CLEC19A: variants seen among roughly 807,000 people sequenced by gnomAD.
CLEC19A encodes the protein C-type lectin domain containing 19A.
A neutral mutation model predicts 26.1 loss-of-function variants in CLEC19A; 21 were observed. The ratio of observed to expected loss-of-function variants is 0.80; its 90% CI spans 0.57 to 1.16. The LOEUF (loss-of-function observed/expected upper bound fraction) is 1.16, where lower values mean the gene tolerates loss of function less well. Among genes scored for constraint, CLEC19A ranks in the 50% most tolerant of loss-of-function variants. The pLI is 0.00. For missense variants in CLEC19A, 224 were observed against 227.6 expected (o/e 0.98, Z 0.10); for synonymous variants, 89 against 88.6 (o/e 1.00, Z -0.03).
rs1484752432 is a variant in CLEC19A at position 19,285,789 on chromosome 16, A to G, written c.-63A>G. The G allele has an allele frequency of 6.9e-7, 1 of 1,446,838 alleles. No homozygotes were observed. Among genetic ancestry groups the G allele is most frequent in the East Asian group, 2.5e-5 (1 of 40,386 alleles). The allele number at this position is 1,446,838 out of a possible 1,614,324, so 89.6% of individuals were successfully genotyped here. On this transcript the variant is annotated 5_prime_UTR_variant, in exon 1 of 5. Transcript: ENST00000636231. ...CCCTAGGAGAGCAATCCTGGACCCA[A>G]GCTCCAGCCAAAAAGCCTCTCTCCT...
intron 1 of CLEC19A, among the ~76,000 whole-genome samples, chr16:19,295,988 C>T (rs141039564): frequency 6.6e-6 from 1 of 152,162 alleles, no homozygotes; most frequent in Non-Finnish European, 1.5e-5. Flanking sequence ...GGACCTGAGT[C>T]CCAGAAAAGG....
intron 4 of CLEC19A, 36 bp downstream of exon 4, chr16:19,307,713 G>T: frequency 6.5e-7 from 1 of 1,545,866 alleles, no homozygotes; most frequent in African/African-American, 1.4e-5. Flanking sequence ...TTGCAGGGGA[G>T]CCCAGGAGGT....
At chr16:19,304,026 A>G (rs1897891775) in intron 2 of CLEC19A, 36 bp from the exon 3 acceptor site, 1 of 1,500,762 alleles carries the variant, frequency 6.7e-7, no homozygotes, top group Non-Finnish European at 9.1e-7. Flanking sequence ...AAAAGAGGCC[A>G]TGAGGAATCA....
At chr16:19,307,211 C>T (rs1897975707) in intron 3 of CLEC19A, among the ~76,000 whole-genome samples, 1 of 152,152 alleles carries the variant, frequency 6.6e-6, no homozygotes, top group Non-Finnish European at 1.5e-5. Flanking sequence ...GCTTTATTTG[C>T]TGTGTGAATT....
At chr16:19,290,313 G>T (rs572547121) in intron 1 of CLEC19A, among the ~76,000 whole-genome samples, 1 of 151,780 alleles carries the variant, frequency 6.6e-6, no homozygotes, top group African/African-American at 2.4e-5. Flanking sequence ...GCCCCTTTGT[G>T]CATCCCCTCC....
intron 3 of CLEC19A, among the ~76,000 whole-genome samples, chr16:19,305,506 G>A (rs924984304): frequency 1.1e-4 from 16 of 152,140 alleles, no homozygotes; most frequent in Admixed American, 5.9e-4. Flanking sequence ...ACCACATACT[G>A]AGTCTCTATT....
At chr16:19,308,367 A>G (rs1898000158) in intron 4 of CLEC19A, among the ~76,000 whole-genome samples, 1 of 152,188 alleles carries the variant, frequency 6.6e-6, no homozygotes, top group Non-Finnish European at 1.5e-5. Flanking sequence ...TTGGTGCCTC[A>G]GATTCTTTGT....
In CLEC19A at chr16:19,301,747, T is replaced by TTTTG. The variant is rs1897834371; in HGVS notation, c.255-2312_255-2311insGTTT. On this transcript the variant is annotated intron_variant, in intron 2 of 4. Transcript: ENST00000636231. ...CCCAGGTTTTTTTGGTTTTTTTTTTTTTTTTTTTTTTTTTTTTGTATTTTT... is the reference window on the plus strand; with the variant it reads ...CCCAGGTTTTTTTGGTTTTTTTTTTTTTTGTTTTTTTTTTTTTTTTTGTATTTTT... Among the ~76,000 whole-genome samples the TTTTG allele has an allele frequency of 2.5e-5, 3 of 120,016 alleles. No individual in the cohort carries two copies. The East Asian group carries it at 6.5e-4, about 26-fold the overall frequency. 78.7% of individuals were successfully genotyped at this position (120,016 alleles called of 152,430 possible).
chr16:19,287,796 A>T (rs1402784196), intron 1 of CLEC19A, among the ~76,000 whole-genome samples: 1 of 152,230 alleles, frequency 6.6e-6, no homozygotes. Context: ...GAGATCTTCA[A>T]TGAGCTCGTG....
intron 2 of CLEC19A, among the ~76,000 whole-genome samples, chr16:19,303,565 C>A (rs1008665332): frequency 2.0e-5 from 3 of 152,116 alleles, no homozygotes; most frequent in African/African-American, 7.2e-5. Flanking sequence ...GTGGGCAATG[C>A]AAGTTGAAGC....
At chr16:19,307,173 A>G (rs1897974445) in intron 3 of CLEC19A, among the ~76,000 whole-genome samples, 1 of 152,200 alleles carries the variant, frequency 6.6e-6, no homozygotes, top group African/African-American at 2.4e-5. Flanking sequence ...TGACTCAGAT[A>G]GACCTGGGTT....
intron 1 of CLEC19A, 77 bp from the exon 2 acceptor site, chr16:19,298,596 G>A (rs1897753087): frequency 2.1e-6 from 3 of 1,413,114 alleles, no homozygotes; most frequent in Admixed American, 2.5e-5. Context: ...GTAAAGAAAA[G>A]AAAATAGGTT....
intron 1 of CLEC19A, among the ~76,000 whole-genome samples, chr16:19,289,315 C>T (rs1897533761): frequency 6.6e-6 from 1 of 152,234 alleles, no homozygotes; most frequent in African/African-American, 2.4e-5. Flanking sequence ...CATGTTCCTC[C>T]TTCCAGACTG....
intron 2 of CLEC19A, among the ~76,000 whole-genome samples, chr16:19,299,466 T>C (rs77174691): frequency 0.18 from 26,829 of 152,186 alleles, 2,820 homozygotes; most frequent in Non-Finnish European, 0.22. Context: ...TCAGATTCCA[T>C]AGCCCACCCT....
chr16:19,300,995 C>T (rs1567255095), intron 2 of CLEC19A, among the ~76,000 whole-genome samples: 1 of 152,164 alleles, frequency 6.6e-6, no homozygotes, highest in Non-Finnish European at 1.5e-5. Flanking sequence ...AACATGGAGC[C>T]CTATGAAAGG....
At chr16:19,301,738 T>TTTTC (rs1308650051) in intron 2 of CLEC19A, among the ~76,000 whole-genome samples, 1 of 91,620 alleles carries the variant, frequency 1.1e-5, no homozygotes, top group Non-Finnish European at 1.9e-5. Flanking sequence ...TTTTTTTGGT[T>TTTTC]TTTTTTTTTT....
At chr16:19,301,756 T>TTTTTTTTTTTG (rs1897837910) in intron 2 of CLEC19A, among the ~76,000 whole-genome samples, 2 of 132,542 alleles carry the variant, frequency 1.5e-5, no homozygotes, top group South Asian at 2.6e-4. Flanking sequence ...TTTTTTTTTT[T>TTTTTTTTTTTG]TTTTTTTTGT....
At chr16:19,298,267 C>G (rs2143009809) in intron 1 of CLEC19A, among the ~76,000 whole-genome samples, 1 of 141,184 alleles carries the variant, frequency 7.1e-6, no homozygotes, top group South Asian at 2.3e-4. Flanking sequence ...AAAGTATGTA[C>G]AGGCAGGGCT....
chr16:19,308,262 C>T (rs893993821), intron 4 of CLEC19A, among the ~76,000 whole-genome samples: 23 of 152,196 alleles, frequency 1.5e-4, no homozygotes, highest in African/African-American at 5.5e-4. Context: ...GTTGATATAG[C>T]ACCGTGGCAA....
Sources: gnomAD v4.1 joint callset for allele counts (sites outside exome capture counted in the v4.1 genomes callset) on GRCh38, gnomAD v4.1.1 for gene constraint, MANE v1.5 for transcripts, NCBI Gene and HGNC (gene_info 2026-07-23, HGNC 2026-07-21) for gene names.